The following AP5Z1 variants were observed in gnomAD, a reference collection of about 807,000 sequenced individuals.
The protein encoded by AP5Z1 is adaptor related protein complex 5 subunit zeta 1.
A neutral mutation model predicts 83.0 loss-of-function variants in AP5Z1; 106 were observed. The ratio of observed to expected loss-of-function variants is 1.28; its 90% CI spans 1.09 to 1.50. AP5Z1 has a LOEUF of 1.50. Among genes scored for constraint, AP5Z1 ranks in the 40% most tolerant of loss-of-function variants. The pLI, the probability that AP5Z1 is intolerant of heterozygous loss-of-function variation, is 0.00. For missense variants in AP5Z1, 1,565 were observed against 1,094.2 expected, an observed-to-expected ratio of 1.43 and a Z score of -6.07; for synonymous variants, 751 against 514.1, an observed-to-expected ratio of 1.46 and a Z score of -6.23.
intron 14 of AP5Z1, 160 bp from the exon 15 acceptor site, chr7:4,790,299 C>T (rs1781716923): frequency 1.3e-6 from 2 of 1,546,200 alleles, no homozygotes; most frequent in Non-Finnish European, 1.7e-6. Context: ...CCAGTGAGAA[C>T]AGTTTCTCTG....
chr7:4,775,648 G>T lies in AP5Z1; in HGVS notation c.-68G>T, dbSNP rs546354621. ...GACGCGGTCCCGGAAGTTGACCGGG[G>T]TGCGGAGCTCCTGGGCTGCAGCTCC... On this transcript the variant is annotated 5_prime_UTR_variant, in exon 1 of 17. Transcript: ENST00000649063. 63 of 1,594,870 alleles carry T rather than the reference G, an allele frequency of 4.0e-5. No homozygotes were observed. The East Asian group carries it at 1.2e-3, about 31-fold the overall frequency.
rs1781466789 is a variant in AP5Z1 at position 4,784,208 on chromosome 7, C to T, written c.627C>T (p.Gly209=). The T allele has an allele frequency of 6.7e-7, 1 of 1,484,512 alleles. No individual in the cohort carries two copies. The highest frequency in any genetic ancestry group is 9.1e-7 in the Non-Finnish European group (1 of 1,102,514). The allele number at this position is 1,484,512 out of a possible 1,614,324, so 92.0% of individuals were successfully genotyped here. The change falls in exon 6 of 17, where the codon GGC becomes GGT. Residue 209 remains glycine, a synonymous_variant. Transcript: ENST00000649063. ...CCTGCCTGTCCTTCCCACAGCCGGGCCCCGTCACCGAGGTGGACGGGGCGG... is the reference window on the plus strand; with the variant it reads ...CCTGCCTGTCCTTCCCACAGCCGGGTCCCGTCACCGAGGTGGACGGGGCGG... ...FFSTPRARQP[G]PVTEVDGAVA...
intron 12 of AP5Z1, chr7:4,788,516 TC>T (rs1478969497): frequency 1.7e-6 from 1 of 582,626 alleles, no homozygotes; most frequent in South Asian, 3.2e-5. Flanking sequence ...ACATCAACCC[TC>T]ATAAGCTTGG....
chr7:4,788,654 T>G (rs1781638707), intron 12 of AP5Z1, 186 bp from the exon 13 acceptor site: 1 of 554,626 alleles, frequency 1.8e-6, no homozygotes, highest in Non-Finnish European at 3.1e-6. Flanking sequence ...CCCGATGGCT[T>G]TACTGTCCCG....
intron 1 of AP5Z1, 67 bp downstream of exon 1, chr7:4,775,823 C>A: frequency 1.3e-6 from 2 of 1,573,538 alleles, no homozygotes; most frequent in Non-Finnish European, 1.7e-6. Context: ...GGGGGTGGGT[C>A]TCACAGGGCA....
chr7:4,786,856 C>T (rs1411933184), intron 10 of AP5Z1, among the ~76,000 whole-genome samples: 3 of 152,104 alleles, frequency 2.0e-5, no homozygotes, highest in Non-Finnish European at 2.9e-5. Flanking sequence ...CTGCAACCCC[C>T]GCCTCCTGGG....
Position 4,792,649 on chromosome 7 carries a change from T to TC in AP5Z1, c.*1269dup, listed in dbSNP as rs1227318954. Reference sequence around the variant, plus strand: ...GTTCCGAGCTCCAGGACGGCTGGTGTCCCCCGCGGCCTGCGATGACAGCCC... The same window carrying TC: ...GTTCCGAGCTCCAGGACGGCTGGTGTCCCCCCGCGGCCTGCGATGACAGCCC... On this transcript the variant is annotated 3_prime_UTR_variant, in exon 17 of 17. Coordinates refer to ENST00000649063, the MANE Select transcript of AP5Z1 (RefSeq NM_014855.3). 1.3e-5 allele frequency: 2 copies of TC among 152,098 alleles called. No homozygotes were observed. Among genetic ancestry groups the TC allele is most frequent in the Non-Finnish European group, 2.9e-5 (2 of 68,014 alleles). 9.4% of individuals were successfully genotyped at this position (152,098 alleles called of 1,614,324 possible).
chr7:4,788,181 A>C lies in AP5Z1; in HGVS notation c.1482A>C (p.Pro494=), dbSNP rs755447421. 1 of 1,557,026 alleles carries C rather than the reference A, an allele frequency of 6.4e-7. No homozygotes were observed. The highest frequency in any genetic ancestry group is 8.7e-7 in the Non-Finnish European group (1 of 1,151,466). Residue 494 remains proline, a synonymous_variant, in exon 12 of 17, where the codon CCA becomes CCC. Transcript: ENST00000649063. ...LRSAPAASER[P]LWDTSLRAPS... is the part of the protein sequence containing the mutation. ...CAGCACCGGCTGCATCCGAGAGGCC[A>C]CTCTGGGACACCTCTCTCAGGGCCC...
intron 6 of AP5Z1, 54 bp from the exon 7 acceptor site, chr7:4,784,854 T>C (rs1222311841): frequency 6.4e-6 from 10 of 1,572,112 alleles, no homozygotes; most frequent in East Asian, 4.7e-5. Context: ...GCAGCAGGCA[T>C]GTCCCAGCCC....
chr7:4,775,682 C>G lies in AP5Z1; in HGVS notation c.-34C>G, dbSNP rs921811024. 5 of 1,606,130 alleles carry G rather than the reference C, an allele frequency of 3.1e-6. No homozygotes were observed. The highest frequency in any genetic ancestry group is 1.7e-5 in the Admixed American group (1 of 59,964). Reference sequence around the variant, plus strand: ...TCCTGGGCTGCAGCTCCTGGAGTTTCCGAGGTTCGTGCGCGTCTGGTGGCG... The same window carrying G: ...TCCTGGGCTGCAGCTCCTGGAGTTTGCGAGGTTCGTGCGCGTCTGGTGGCG... On this transcript the variant is annotated 5_prime_UTR_variant, in exon 1 of 17. Coordinates refer to ENST00000649063, the MANE Select transcript of AP5Z1 (RefSeq NM_014855.3).
intron 13 of AP5Z1, among the ~76,000 whole-genome samples, chr7:4,789,237 G>A (rs532521500): frequency 2.8e-5 from 4 of 140,796 alleles, no homozygotes; most frequent in South Asian, 2.3e-4. Flanking sequence ...CCTTCATCCC[G>A]GCAGGTCCTG....
Position 4,783,680 on chromosome 7 carries a change from C to G in AP5Z1, c.512-9C>G. On this transcript the variant is annotated splice_polypyrimidine_tract_variant and intron_variant, in intron 4 of 16. Transcript: ENST00000649063. ...ACCTCACCTCCCCATGCCACCCCAC[C>G]CACTGCAGACCAGGCCACCCTGCTC... The G allele has an allele frequency of 1.3e-6, 2 of 1,548,918 alleles. No homozygotes were observed. Among genetic ancestry groups the G allele is most frequent in the Non-Finnish European group, 1.7e-6 (2 of 1,145,654 alleles).
rs547731125 is a variant in AP5Z1 at position 4,787,829 on chromosome 7, A to C, written c.1454+53A>C. On this transcript the variant is annotated intron_variant, in intron 11 of 16. Coordinates refer to ENST00000649063, the MANE Select transcript of AP5Z1 (RefSeq NM_014855.3). ...GCGTCTCCCAGCCAGCTGGTTCCAC[A>C]CACTGGGCCCCCTCCTCGCTGCTCC... The C allele has an allele frequency of 3.0e-5, 45 of 1,487,646 alleles. 1 individual carries two copies. In the African/African-American group the frequency reaches 5.4e-4, roughly 18 times the overall value. 92.2% of individuals were successfully genotyped at this position (1,487,646 alleles called of 1,614,324 possible). A position where few individuals can be genotyped will look rare whatever the true frequency, so the allele number is the denominator to read the frequency against.
intron 9 of AP5Z1, 143 bp from the exon 10 acceptor site, chr7:4,786,107 C>G: frequency 1.2e-6 from 1 of 804,136 alleles, no homozygotes; most frequent in Non-Finnish European, 1.9e-6. Context: ...CCAAGTGCCG[C>G]TTCCCCAGCG....
chr7:4,790,893 TGG>T lies in AP5Z1; in HGVS notation c.2153+7_2153+8del. On this transcript the variant is annotated splice_region_variant and intron_variant, in intron 16 of 16. Transcript: ENST00000649063. The stretch of plus-strand genomic sequence containing the variant: ...AGCCAAGATCTGATCCCCAGGTGCC[TGG>T]TCAGGGAGGGAGCGAAGCCTTCTGG... 1 of 1,595,400 alleles carries T rather than the reference TGG, an allele frequency of 6.3e-7. No homozygotes were observed. Among genetic ancestry groups the T allele is most frequent in the Non-Finnish European group, 8.5e-7 (1 of 1,171,922 alleles).
chr7:4,783,506 A>G (rs778755832), intron 4 of AP5Z1, 46 bp downstream of exon 4: 6 of 1,546,138 alleles, frequency 3.9e-6, no homozygotes, highest in Non-Finnish European at 8.8e-7. Flanking sequence ...CTGCCTTCCC[A>G]GGTCCTTCCC....
chr7:4,790,198 G>GTCCT, intron 14 of AP5Z1: 1 of 1,547,116 alleles, frequency 6.5e-7, no homozygotes, highest in Non-Finnish European at 8.7e-7. Context: ...GTCCCCTGGG[G>GTCCT]TCCTTCTCTC....
At chr7:4,789,533 C>G (rs1173759812) in intron 13 of AP5Z1, among the ~76,000 whole-genome samples, 1 of 152,224 alleles carries the variant, frequency 6.6e-6, no homozygotes, top group African/African-American at 2.4e-5. Context: ...CTGGGCGTTG[C>G]TTGGGCGCAC....
rs779278090 is a variant in AP5Z1 at position 4,791,208 on chromosome 7, C to T, written c.2247C>T (p.Thr749=). The change falls in exon 17 of 17, where the codon ACC becomes ACT. Residue 749 remains threonine, a synonymous_variant. Transcript: ENST00000649063. Reference sequence around the variant, plus strand: ...AGGAGGGCGCGGAAGCCATCCGTACCCGGGCCACAGAGCTGCTGACCCTGC... The same window carrying T: ...AGGAGGGCGCGGAAGCCATCCGTACTCGGGCCACAGAGCTGCTGACCCTGC... ...HSEEGAEAIR[T]RATELLTLLK... The T allele has an allele frequency of 1.2e-6, 2 of 1,612,730 alleles. No individual in the cohort carries two copies. Among genetic ancestry groups the T allele is most frequent in the Non-Finnish European group, 1.7e-6 (2 of 1,179,812 alleles).
Sources: gnomAD v4.1 joint callset for allele counts (sites outside exome capture counted in the v4.1 genomes callset) on GRCh38, gnomAD v4.1.1 for gene constraint, MANE v1.5 for transcripts, NCBI Gene and HGNC (gene_info 2026-07-23, HGNC 2026-07-21) for gene names.